The following CSGALNACT1 variants were observed in gnomAD, a reference collection of about 807,000 sequenced individuals.
CSGALNACT1 encodes the protein chondroitin sulfate N-acetylgalactosaminyltransferase 1, also known as beta4GalNAcT-1.
Under a neutral mutation model 51.0 loss-of-function variants are expected in CSGALNACT1, and 52 were observed. That is an observed-to-expected ratio of 1.02 (90% confidence interval 0.82 to 1.29). CSGALNACT1 has a LOEUF of 1.29. CSGALNACT1 is among the 50% of genes most tolerant of loss of function. The pLI, the probability that CSGALNACT1 is intolerant of heterozygous loss-of-function variation, is 0.00. For synonymous variants in CSGALNACT1, 341 were observed against 254.4 expected (o/e 1.34, Z -3.24); for missense variants, 935 against 679.2 (o/e 1.38, Z -4.19).
At chr8:19,504,358 G>A (rs1047671406) in intron 4 of CSGALNACT1, among the ~76,000 whole-genome samples, 37 of 152,328 alleles carry the variant, frequency 2.4e-4, no homozygotes, top group Non-Finnish European at 4.3e-4. Flanking sequence ...TTACAGGCGC[G>A]AGCCACTGCA....
At chr8:19,667,096 A>AG in intron 1 of CSGALNACT1, among the ~76,000 whole-genome samples, 1 of 117,334 alleles carries the variant, frequency 8.5e-6, no homozygotes, top group Middle Eastern at 4.2e-3. Flanking sequence ...AGAAAGAAAG[A>AG]AAGGGAAAGA....
In CSGALNACT1 at chr8:19,428,232, G is replaced by A. The variant is rs984108448; in HGVS notation, c.954-7714C>T. Among the ~76,000 whole-genome samples, 10 of 152,168 alleles carry A rather than the reference G, an allele frequency of 6.6e-5. No homozygotes were observed. The East Asian group carries it at 7.7e-4, about 12-fold the overall frequency. On this transcript the variant is annotated intron_variant, in intron 6 of 9. Coordinates refer to ENST00000454498, the Ensembl canonical transcript of CSGALNACT1. Reference sequence around the variant, plus strand: ...CCAGCATCGGAGTCTGTATCAGTCTGTTTTCACACTGCTAATAAAGACATA... The same window carrying A: ...CCAGCATCGGAGTCTGTATCAGTCTATTTTCACACTGCTAATAAAGACATA...
rs2064651668 is a variant in CSGALNACT1, at chr8:19,458,577, G to T, written c.700C>A (p.His234Asn). Residue 234 changes from histidine to asparagine, a missense_variant, in exon 5 of 10, where the codon CAC (histidine) becomes AAC (asparagine). By Grantham distance (68) the His-to-Asn change is moderately conservative. Transcript: ENST00000454498. ...AATAAGATGAGCCGTTTGAATTCGT[G>T]TTTGTGGTCCCCTTTGAAGGTGAGC... 3 of 1,614,160 alleles carry T rather than the reference G, an allele frequency of 1.9e-6. No homozygotes were observed. The highest frequency in any genetic ancestry group is 2.5e-6 in the Non-Finnish European group (3 of 1,180,036).
intron 1 of CSGALNACT1, among the ~76,000 whole-genome samples, chr8:19,674,787 T>G (rs114599412): frequency 1.3e-5 from 2 of 152,016 alleles, no homozygotes; most frequent in East Asian, 3.9e-4. Context: ...TGAGAAATGA[T>G]CCCCTGGAAA....
chr8:19,536,314 G>C (rs1386512983), intron 3 of CSGALNACT1, among the ~76,000 whole-genome samples: 1 of 148,364 alleles, frequency 6.7e-6, no homozygotes, highest in East Asian at 1.9e-4. Flanking sequence ...TCTTCATTTT[G>C]CTCTGAACTT....
chr8:19,424,266 C>G (rs762361084), intron 6 of CSGALNACT1, among the ~76,000 whole-genome samples: 1 of 152,166 alleles, frequency 6.6e-6, no homozygotes, highest in South Asian at 2.1e-4. Flanking sequence ...AGTGCTAACT[C>G]TGTCATCCAT....
chr8:19,558,247 A>G (rs1009157136), intron 3 of CSGALNACT1, among the ~76,000 whole-genome samples: 1 of 152,188 alleles, frequency 6.6e-6, no homozygotes, highest in Non-Finnish European at 1.5e-5. Context: ...ACACTTTTAC[A>G]TTCACTTTGG....
In CSGALNACT1 at chr8:19,505,673, C is replaced by T. The variant is rs1193464705; in HGVS notation, c.162G>A (p.Lys54=). 3.1e-6 allele frequency: 5 copies of T among 1,614,208 alleles called. No individual in the cohort carries two copies. Among genetic ancestry groups the T allele is most frequent in the Non-Finnish European group, 2.5e-6 (3 of 1,180,042 alleles). ...CCTGAAGGACGGCCTGGTACCCCTC[C>T]TTCCCCGTGGGGCTGTTGGCCCTGG... is the stretch of plus-strand genomic sequence containing the variant. Residue 54 remains lysine, a synonymous_variant, in exon 4 of 10, where the codon AAG becomes AAA. Coordinates refer to ENST00000454498, the Ensembl canonical transcript of CSGALNACT1.
chr8:19,458,478 C>G, exon 5 of CSGALNACT1: 3 of 1,614,156 alleles, frequency 1.9e-6, no homozygotes, highest in Non-Finnish European at 2.5e-6. Context: ...GCTAGAGGCA[C>G]GATAACATTG....
At chr8:19,506,629 G>A (rs2077384496) in intron 3 of CSGALNACT1, among the ~76,000 whole-genome samples, 1 of 152,174 alleles carries the variant, frequency 6.6e-6, no homozygotes, top group African/African-American at 2.4e-5. Context: ...TCATGGGAGT[G>A]GATCCCTCAG....
intron 1 of CSGALNACT1, among the ~76,000 whole-genome samples, chr8:19,744,761 C>T (rs951492114): frequency 1.3e-5 from 2 of 152,168 alleles, no homozygotes; most frequent in African/African-American, 4.8e-5. Flanking sequence ...TGTCTATTCA[C>T]GAACACAGTT....
intron 3 of CSGALNACT1, among the ~76,000 whole-genome samples, chr8:19,590,706 T>C (rs1247763024): frequency 6.2e-5 from 9 of 144,250 alleles, no homozygotes; most frequent in African/African-American, 5.3e-5. Context: ...CTGGAGTGCA[T>C]TGGCGCGATC....
chr8:19,500,076 G>C (rs1011766066), intron 4 of CSGALNACT1, among the ~76,000 whole-genome samples: 1 of 152,194 alleles, frequency 6.6e-6, no homozygotes, highest in Non-Finnish European at 1.5e-5. Flanking sequence ...CAAACGCATG[G>C]AGATATTTGA....
intron 1 of CSGALNACT1, among the ~76,000 whole-genome samples, chr8:19,637,339 G>A: frequency 6.6e-6 from 1 of 152,136 alleles, no homozygotes; most frequent in Non-Finnish European, 1.5e-5. Context: ...TTTGGAGTTG[G>A]TCGTTTTAGT....
At chr8:19,512,920 C>G (rs377016531) in intron 3 of CSGALNACT1, among the ~76,000 whole-genome samples, 1 of 152,276 alleles carries the variant, frequency 6.6e-6, no homozygotes, top group East Asian at 1.9e-4. Flanking sequence ...CTGACTATTA[C>G]AGCACACGGG....
chr8:19,483,655 C>T (rs2072076853), intron 4 of CSGALNACT1, among the ~76,000 whole-genome samples: 2 of 152,304 alleles, frequency 1.3e-5, no homozygotes, highest in African/African-American at 4.8e-5. Context: ...CCCCATACAA[C>T]AATTATGTAA....
intron 8 of CSGALNACT1, among the ~76,000 whole-genome samples, chr8:19,417,268 A>G (rs2057073517): frequency 6.6e-6 from 1 of 152,214 alleles, no homozygotes; most frequent in Non-Finnish European, 1.5e-5. Flanking sequence ...CAATTCCACT[A>G]GGGGAAAAGA....
At chr8:19,617,653 G>C (rs993602421) in intron 1 of CSGALNACT1, among the ~76,000 whole-genome samples, 7 of 152,130 alleles carry the variant, frequency 4.6e-5, no homozygotes, top group African/African-American at 1.7e-4. Context: ...TTCTGAACAA[G>C]AAGTTCCAAA....
At chr8:19,417,448 G>C (rs2057107736) in intron 8 of CSGALNACT1, among the ~76,000 whole-genome samples, 1 of 152,146 alleles carries the variant, frequency 6.6e-6, no homozygotes, top group African/African-American at 2.4e-5. Context: ...ACAGGATGGG[G>C]CTGGAAACAA....
Sources: allele counts gnomAD v4.1 joint callset (sites outside exome capture counted in the v4.1 genomes callset), GRCh38; gene constraint gnomAD v4.1.1; transcripts MANE v1.5; gene names NCBI Gene and HGNC (gene_info 2026-07-23, HGNC 2026-07-21).